CTNND2: variants seen among roughly 807,000 people sequenced by gnomAD.
CTNND2 encodes catenin delta-2.
CTNND2 carries 22 observed loss-of-function variants against 144.4 expected under a neutral mutation model. That is an observed-to-expected ratio of 0.15 (90% confidence interval 0.11 to 0.22). The LOEUF (loss-of-function observed/expected upper bound fraction) is 0.22, where lower values mean the gene tolerates loss of function less well. CTNND2 is among the 10% of genes least tolerant of loss of function. The pLI, the probability that CTNND2 is intolerant of heterozygous loss-of-function variation, is 1.00. For synonymous variants in CTNND2, 751 were observed against 695.6 expected, an observed-to-expected ratio of 1.08 and a Z score of -1.25; for missense variants, 1,353 against 1,618.8, an observed-to-expected ratio of 0.84 and a Z score of 2.82.
chr5:11,887,897 GA>G (rs1736673888), intron 1 of CTNND2, among the ~76,000 whole-genome samples: 1 of 152,156 alleles, frequency 6.6e-6, no homozygotes, highest in African/African-American at 2.4e-5. Flanking sequence ...GGGCTTTGGG[GA>G]AGAAGCCACA....
intron 2 of CTNND2, among the ~76,000 whole-genome samples, chr5:11,671,642 C>T (rs1783878860): frequency 6.6e-6 from 1 of 151,876 alleles, no homozygotes; most frequent in South Asian, 2.1e-4. Flanking sequence ...CATTTATGTT[C>T]TTCTCTAAAC....
intron 3 of CTNND2, among the ~76,000 whole-genome samples, chr5:11,506,209 A>G (rs1018103785): frequency 6.6e-6 from 1 of 152,134 alleles, no homozygotes; most frequent in Non-Finnish European, 1.5e-5. Context: ...GAGATTGGCC[A>G]ATAGGGCAGG....
chr5:11,315,017 G>A (rs1199957688), intron 9 of CTNND2, among the ~76,000 whole-genome samples: 1 of 152,096 alleles, frequency 6.6e-6, no homozygotes, highest in Non-Finnish European at 1.5e-5. Context: ...TTATAACTGG[G>A]TATCAAGTCT....
chr5:11,488,888 C>A (rs1769106152), intron 3 of CTNND2, among the ~76,000 whole-genome samples: 1 of 152,184 alleles, frequency 6.6e-6, no homozygotes, highest in African/African-American at 2.4e-5. Flanking sequence ...TTGTGTACAT[C>A]AATAGTTTGT....
At position 11,616,675 on chromosome 5, in the gene CTNND2, T is replaced by C. The variant is rs6885042; in HGVS notation, c.175-51619A>G. 2.8e-3 allele frequency among the ~76,000 whole-genome samples: 419 copies of C among 151,892 alleles called. 1 individual carries two copies. Among genetic ancestry groups the C allele is most frequent in the Non-Finnish European group, 5.1e-3 (344 of 67,922 alleles). On this transcript the variant is annotated intron_variant, in intron 2 of 21. Coordinates refer to ENST00000304623, the MANE Select transcript of CTNND2 (RefSeq NM_001332.4). The stretch of plus-strand genomic sequence containing the variant: ...CAGGCTGGAGTGAGTGGCGTGATCT[T>C]GGCTCACTGCACCCTCCACCTCCCA...
At chr5:11,024,232 T>A (rs1258194296) in intron 16 of CTNND2, among the ~76,000 whole-genome samples, 1 of 152,224 alleles carries the variant, frequency 6.6e-6, no homozygotes, top group Non-Finnish European at 1.5e-5. Flanking sequence ...TCTTATCCTA[T>A]GTTTAGGTGG....
At chr5:11,639,187 C>T (rs1337418149) in intron 2 of CTNND2, among the ~76,000 whole-genome samples, 1 of 152,072 alleles carries the variant, frequency 6.6e-6, no homozygotes, top group Non-Finnish European at 1.5e-5. Flanking sequence ...AGAAAGGCTG[C>T]TAAATATCCT....
intron 2 of CTNND2, among the ~76,000 whole-genome samples, chr5:11,584,445 C>A: frequency 6.7e-6 from 1 of 148,358 alleles, no homozygotes; most frequent in Non-Finnish European, 1.5e-5. Flanking sequence ...GAGGAGGAAG[C>A]TAGTACTGTT....
chr5:11,415,235 C>A (rs1161906806), intron 3 of CTNND2, among the ~76,000 whole-genome samples: 1 of 152,136 alleles, frequency 6.6e-6, no homozygotes. Context: ...TTCTCCTCAA[C>A]CTCTCCAGCA....
In CTNND2 at chr5:11,879,354, T is replaced by TATATATATAC. The variant is rs1169270632; in HGVS notation, c.37+24462_37+24463insGTATATATAT. ...AATTAAATGTGTGTATATATATATA[T>TATATATATAC]ATACATATACACACACACACAAACA... On this transcript the variant is annotated intron_variant, in intron 1 of 21. Coordinates refer to ENST00000304623, the MANE Select transcript of CTNND2 (RefSeq NM_001332.4). Among the ~76,000 whole-genome samples the TATATATATAC allele has an allele frequency of 3.3e-4, 46 of 139,778 alleles. 1 individual carries two copies. The highest frequency in any genetic ancestry group is 1.2e-3 in the African/African-American group (45 of 39,124). 91.7% of individuals were successfully genotyped at this position (139,778 alleles called of 152,430 possible). A position where few individuals can be genotyped will look rare whatever the true frequency, so the allele number is the denominator to read the frequency against.
intron 9 of CTNND2, among the ~76,000 whole-genome samples, chr5:11,286,183 A>G (rs1747733995): frequency 1.3e-5 from 2 of 152,172 alleles, no homozygotes; most frequent in South Asian, 2.1e-4. Flanking sequence ...AACTTCATAT[A>G]AGGAAGACTT....
chr5:11,263,068 T>C (rs1406954087), intron 9 of CTNND2, among the ~76,000 whole-genome samples: 1 of 152,178 alleles, frequency 6.6e-6, no homozygotes, highest in Non-Finnish European at 1.5e-5. Flanking sequence ...TCACCTGAAA[T>C]GTGACCTTGG....
intron 10 of CTNND2, among the ~76,000 whole-genome samples, chr5:11,218,089 C>T (rs1361231634): frequency 6.7e-6 from 1 of 149,070 alleles, no homozygotes; most frequent in Non-Finnish European, 1.5e-5. Flanking sequence ...TCCTCTTCAT[C>T]TGTCTTTTTT....
intron 1 of CTNND2, among the ~76,000 whole-genome samples, chr5:11,744,890 C>T (rs964321153): frequency 2.6e-5 from 4 of 151,924 alleles, no homozygotes; most frequent in Non-Finnish European, 4.4e-5. Context: ...CATGTGCCAC[C>T]GCGTCCAGCT....
At chr5:11,292,497 TG>T (rs1748454231) in intron 9 of CTNND2, among the ~76,000 whole-genome samples, 1 of 152,144 alleles carries the variant, frequency 6.6e-6, no homozygotes, top group African/African-American at 2.4e-5. Context: ...AATTGGATCA[TG>T]GGGGTGGTTT....
chr5:11,228,141 T>A lies in CTNND2; in HGVS notation c.1761+8550A>T, dbSNP rs554465730. On this transcript the variant is annotated intron_variant, in intron 10 of 21. Transcript: ENST00000304623. ...TGGATCTCCTGAGGTCAGGGGTTCA[T>A]GACCAGCCTGGCCAACATGGTGAAA... Among the ~76,000 whole-genome samples the A allele has an allele frequency of 2.0e-5, 3 of 151,992 alleles. No individual in the cohort carries two copies. The South Asian group carries it at 6.2e-4, about 32-fold the overall frequency.
intron 12 of CTNND2, among the ~76,000 whole-genome samples, chr5:11,130,759 G>A (rs1009255135): frequency 2.6e-5 from 4 of 152,236 alleles, no homozygotes; most frequent in South Asian, 2.1e-4. Flanking sequence ...ACCGGACGAC[G>A]TCTCAAGCTT....
intron 2 of CTNND2, among the ~76,000 whole-genome samples, chr5:11,665,727 G>A (rs991775620): frequency 7.2e-5 from 11 of 152,152 alleles, no homozygotes; most frequent in Non-Finnish European, 8.8e-5. Context: ...ACAAAGTGAG[G>A]TGTGTATTCA....
chr5:11,691,674 G>A (rs1194437489), intron 2 of CTNND2, among the ~76,000 whole-genome samples: 3 of 152,158 alleles, frequency 2.0e-5, no homozygotes, highest in Non-Finnish European at 4.4e-5. Context: ...GGAGGCTGAG[G>A]TGGGAGGATT....
Sources: gnomAD v4.1 joint callset for allele counts (sites outside exome capture counted in the v4.1 genomes callset) on GRCh38, gnomAD v4.1.1 for gene constraint, MANE v1.5 for transcripts, NCBI Gene and HGNC (gene_info 2026-07-23, HGNC 2026-07-21) for gene names.